The following JAKMIP3 variants were observed in gnomAD, a reference collection of about 807,000 sequenced individuals.
JAKMIP3 encodes janus kinase and microtubule-interacting protein 3.
JAKMIP3 carries 58 observed loss-of-function variants against 118.5 expected under a neutral mutation model. The ratio of observed to expected loss-of-function variants is 0.49; its 90% confidence interval spans 0.40 to 0.61. JAKMIP3 has a LOEUF of 0.61. Among genes scored for constraint, JAKMIP3 ranks in the 20% least tolerant of loss-of-function variants. The probability of loss-of-function intolerance (pLI) is 0.00; values close to 1 mark genes in which losing one functional copy is unlikely to be tolerated. For missense variants in JAKMIP3, 950 were observed against 1,109.0 expected, an observed-to-expected ratio of 0.86 and a Z score of 2.04; for synonymous variants, 486 against 451.2, an observed-to-expected ratio of 1.08 and a Z score of -0.98.
chr10:132,162,496 G>T (rs535143195), intron 19 of JAKMIP3, among the ~76,000 whole-genome samples: 1 of 152,368 alleles, frequency 6.6e-6, no homozygotes, highest in African/African-American at 2.4e-5. Context: ...GGAGGTTGAT[G>T]TGCGAGCTGG....
chr10:132,182,123 G>C (rs79722301), intron 23 of JAKMIP3, among the ~76,000 whole-genome samples: 9,021 of 152,292 alleles, frequency 0.059, 606 homozygotes, highest in African/African-American at 0.15. Context: ...TCATCTTCCT[G>C]AGAGTGTGGC....
At chr10:132,100,895 A>G (rs1194768420) in intron 1 of JAKMIP3, among the ~76,000 whole-genome samples, 1 of 152,144 alleles carries the variant, frequency 6.6e-6, no homozygotes, top group African/African-American at 2.4e-5. Context: ...GCGGGAAGGA[A>G]GAGCTTGCCG....
intron 23 of JAKMIP3, among the ~76,000 whole-genome samples, chr10:132,178,619 G>A (rs955677709): frequency 6.6e-6 from 1 of 152,180 alleles, no homozygotes; most frequent in African/African-American, 2.4e-5. Context: ...GAAGAGCAAG[G>A]ATCCAGACTG....
intron 2 of JAKMIP3, 84 bp downstream of exon 2, chr10:132,105,027 TG>T: frequency 6.8e-7 from 1 of 1,469,912 alleles, no homozygotes; most frequent in Non-Finnish European, 9.2e-7. Flanking sequence ...GGAGTGGGTT[TG>T]GCCAGATCCC....
chr10:132,136,205 C>A, intron 6 of JAKMIP3, 129 bp downstream of exon 6: 1 of 964,262 alleles, frequency 1.0e-6, no homozygotes, highest in Non-Finnish European at 1.5e-6. Flanking sequence ...CTGCTGGAGT[C>A]TGGCCTCACG....
At chr10:132,054,106 A>T (rs2038170568) in intron 1 of JAKMIP3, among the ~76,000 whole-genome samples, 1 of 151,654 alleles carries the variant, frequency 6.6e-6, no homozygotes. Context: ...CTACCACGTC[A>T]GTTTTCAGCT....
chr10:132,128,686 G>A (rs1271705549), intron 3 of JAKMIP3, among the ~76,000 whole-genome samples: 1 of 151,900 alleles, frequency 6.6e-6, no homozygotes, highest in Non-Finnish European at 1.5e-5. Context: ...TTAAACCTTT[G>A]TAATGAATTT....
intron 1 of JAKMIP3, among the ~76,000 whole-genome samples, chr10:132,039,355 G>GCCCC (rs2037639222): frequency 6.6e-6 from 1 of 150,416 alleles, no homozygotes; most frequent in Non-Finnish European, 1.5e-5. Flanking sequence ...CCCACACCAG[G>GCCCC]CCCCCGTCTG....
intron 23 of JAKMIP3, among the ~76,000 whole-genome samples, chr10:132,180,634 CGTGCGTGTGT>C (rs1376020167): frequency 1.6e-4 from 2 of 12,816 alleles, no homozygotes; most frequent in African/African-American, 4.6e-4. Context: ...TGCGTGTGTG[CGTGCGTGTGT>C]GCGTGTGCGT....
At chr10:132,122,494 G>A (rs111759094) in intron 3 of JAKMIP3, among the ~76,000 whole-genome samples, 1 of 152,282 alleles carries the variant, frequency 6.6e-6, no homozygotes, top group Admixed American at 6.5e-5. Context: ...ACACAGCAGG[G>A]CAGGGACTGG....
chr10:132,071,876 C>CT (rs202017307), intron 1 of JAKMIP3, among the ~76,000 whole-genome samples: 3 of 41,902 alleles, frequency 7.2e-5, no homozygotes, highest in South Asian at 1.0e-3. Context: ...TCTTTCTTTC[C>CT]TTCCTTTCTT....
At chr10:132,167,822 GCCCTCACCCCTCGGCCCTCGCCCCTCGC>G (rs1406192803) in intron 22 of JAKMIP3, 103 bp from the exon 23 acceptor site, 4,299 of 398,770 alleles carry the variant, frequency 0.011, 141 homozygotes, top group African/African-American at 0.079. Flanking sequence ...TCACCCCTCG[GCCCTCACCCCTCGGCCCTCGCCCCTCGC>G]CCCTCACCCC....
At position 132,117,673 on chromosome 10, in the gene JAKMIP3, G is replaced by T. The variant is rs1020258244; in HGVS notation, c.633+99G>T. 244 of 1,233,522 alleles carry T rather than the reference G, an allele frequency of 2.0e-4. 5 individuals carry two copies. In the African/African-American group the frequency reaches 3.4e-3, roughly 17 times the overall value. The allele number at this position is 1,233,522 out of a possible 1,614,324, so 76.4% of individuals were successfully genotyped here. A position where few individuals can be genotyped will look rare whatever the true frequency, so the allele number is the denominator to read the frequency against. On this transcript the variant is annotated intron_variant, in intron 3 of 23. Coordinates refer to ENST00000684848, the MANE Select transcript of JAKMIP3 (RefSeq NM_001323087.2). The surrounding 1 kb of genome is among the most constrained non-coding windows in gnomAD (Gnocchi z 8.6). Reference sequence around the variant, plus strand: ...TGGGCGAGGGTGCAGGCGTGGGCTCGGGGAGCACGCGGGCAGCACCGGCTT... The same window carrying T: ...TGGGCGAGGGTGCAGGCGTGGGCTCTGGGAGCACGCGGGCAGCACCGGCTT...
At chr10:132,042,207 C>CTTCCTTCCTTCCTTCCTTCCTTCT (rs1564848113) in intron 1 of JAKMIP3, among the ~76,000 whole-genome samples, 2 of 150,178 alleles carry the variant, frequency 1.3e-5, no homozygotes, top group Non-Finnish European at 2.9e-5. Flanking sequence ...TCCTTCCTTC[C>CTTCCTTCCTTCCTTCCTTCCTTCT]TTCCTTCCTT....
In JAKMIP3 at chr10:132,065,998, C is replaced by T. The variant is rs573558128; in HGVS notation, c.-201C>T. ...AAGCCGGACTGAGTCTTGGACGAGCCGGGAAAGATTCTCACAGTCGAGCAG... is the reference window on the plus strand; with the variant it reads ...AAGCCGGACTGAGTCTTGGACGAGCTGGGAAAGATTCTCACAGTCGAGCAG... On this transcript the variant is annotated 5_prime_UTR_variant, in exon 1 of 24. Coordinates refer to ENST00000684848, the MANE Select transcript of JAKMIP3 (RefSeq NM_001323087.2). This position sits in a 1 kb window ranked among gnomAD's most constrained non-coding sequence, Gnocchi z 5.6. Among the ~76,000 whole-genome samples, 46 of 152,262 alleles carry T rather than the reference C, an allele frequency of 3.0e-4. 1 individual carries two copies. The South Asian group carries it at 8.7e-3, about 29-fold the overall frequency.
chr10:132,101,082 G>A (rs2134751039), intron 1 of JAKMIP3, among the ~76,000 whole-genome samples: 1 of 152,344 alleles, frequency 6.6e-6, no homozygotes, highest in Admixed American at 6.5e-5. Context: ...GACCAGGGTG[G>A]CCAGTGCGGG....
At position 132,177,791 on chromosome 10, in the gene JAKMIP3, CGT is replaced by C. The variant is rs891757625; in HGVS notation, c.*1104-4558_*1104-4557del. 1.6e-4 allele frequency among the ~76,000 whole-genome samples: 18 copies of C among 112,926 alleles called. No individual in the cohort carries two copies. In the East Asian group the frequency reaches 3.6e-3, roughly 23 times the overall value. The allele number at this position is 112,926 out of a possible 152,430, so 74.1% of individuals were successfully genotyped here. ...CTGCTCCTGTGTCCTGGGTAGTGTG[CGT>C]GTGTGTGCACACTGTGCATTTGGTT... is the stretch of plus-strand genomic sequence containing the variant. On this transcript the variant is annotated intron_variant, in intron 23 of 23. Transcript: ENST00000684848.
rs2038192856 is a variant in JAKMIP3, at chr10:132,054,742, C to T, written c.-138+18004C>T. Among the ~76,000 whole-genome samples the T allele has an allele frequency of 2.0e-5, 3 of 152,328 alleles. No homozygotes were observed. The South Asian group carries it at 6.2e-4, about 32-fold the overall frequency. On this transcript the variant is annotated intron_variant, in intron 1 of 23. Transcript: ENST00000657785. The stretch of plus-strand genomic sequence containing the variant: ...AGCTGAAGTCAGGAATAGAGAGAAG[C>T]AGCACCACGGACAGCACCGAAGCTG...
rs573928307 is a variant in JAKMIP3 at position 132,112,896 on chromosome 10, C to G, written c.136-4181C>G. ...CTCCCTCTGTCTTTCCCTTCTGCCCCCTTTGGCTGCTCCATTCTTTCCTAC... is the reference window on the plus strand; with the variant it reads ...CTCCCTCTGTCTTTCCCTTCTGCCCGCTTTGGCTGCTCCATTCTTTCCTAC... On this transcript the variant is annotated intron_variant, in intron 2 of 23. Coordinates refer to ENST00000684848, the MANE Select transcript of JAKMIP3 (RefSeq NM_001323087.2). The surrounding 1 kb of genome is among the most constrained non-coding windows in gnomAD (Gnocchi z 4.3). Among the ~76,000 whole-genome samples, 1 of 152,294 alleles carries G rather than the reference C, an allele frequency of 6.6e-6. No homozygotes were observed. The highest frequency in any genetic ancestry group is 1.9e-4 in the East Asian group (1 of 5,178).
Sources: allele counts gnomAD v4.1 joint callset (sites outside exome capture counted in the v4.1 genomes callset), GRCh38; gene constraint gnomAD v4.1.1; non-coding constraint Gnocchi (gnomAD v3.1); transcripts MANE v1.5; gene names NCBI Gene and HGNC (gene_info 2026-07-23, HGNC 2026-07-21).